The following SPOCK1 variants were observed in gnomAD, a reference collection of about 807,000 sequenced individuals.
SPOCK1 encodes testican-1.
A neutral mutation model predicts 55.3 loss-of-function variants in SPOCK1; 23 were observed. That is an observed-to-expected ratio of 0.42 (90% CI 0.30 to 0.59). SPOCK1 has a LOEUF of 0.59. SPOCK1 is among the 20% of genes least tolerant of loss of function. The pLI is 0.22. For missense variants in SPOCK1, 499 were observed against 552.5 expected (o/e 0.90, Z 0.97); for synonymous variants, 226 against 221.0 (o/e 1.02, Z -0.20).
intron 2 of SPOCK1, among the ~76,000 whole-genome samples, chr5:137,355,750 A>G (rs1750777807): frequency 6.6e-6 from 1 of 151,954 alleles, no homozygotes; most frequent in Non-Finnish European, 1.5e-5. Context: ...CTTCTCTGAT[A>G]GCTTTTCTTG....
rs377446213 is a variant in SPOCK1 at position 137,140,624 on chromosome 5, G to T, written c.303C>A (p.Asp101Glu). ...CSPHKVCVTQ[D>E]YQTALCVSRK... Reference sequence around the variant, plus strand: ...GGCTGACACACAGGGCGGTCTGGTAGTCCTGGGTCACACACACTTTGTGAG... The same window carrying T: ...GGCTGACACACAGGGCGGTCTGGTATTCCTGGGTCACACACACTTTGTGAG... Residue 101 changes from aspartate (D) to glutamate (E), a missense_variant, in exon 4 of 11, where the codon GAC becomes GAA. Asp to Glu is a conservative substitution (Grantham distance 45). Coordinates refer to ENST00000394945, the MANE Select transcript of SPOCK1 (RefSeq NM_004598.4). 8.7e-6 allele frequency: 14 copies of T among 1,613,884 alleles called. No homozygotes were observed. The highest frequency in any genetic ancestry group is 1.2e-5 in the Non-Finnish European group (14 of 1,179,974).
intron 3 of SPOCK1, among the ~76,000 whole-genome samples, chr5:137,238,442 T>A (rs927393782): frequency 2.6e-5 from 4 of 152,180 alleles, no homozygotes; most frequent in African/African-American, 9.7e-5. Flanking sequence ...AAATGTAAGT[T>A]CTTTAAAATA....
At chr5:137,325,170 A>C (rs1474588245) in intron 2 of SPOCK1, among the ~76,000 whole-genome samples, 1 of 152,152 alleles carries the variant, frequency 6.6e-6, no homozygotes, top group East Asian at 1.9e-4. Flanking sequence ...TAATGGCTTA[A>C]TTATGTAATT....
intron 3 of SPOCK1, among the ~76,000 whole-genome samples, chr5:137,212,884 G>A (rs1189004750): frequency 6.6e-6 from 1 of 152,188 alleles, no homozygotes; most frequent in African/African-American, 2.4e-5. Flanking sequence ...ATAGAAAACT[G>A]GGGAGAGTAG....
intron 2 of SPOCK1, among the ~76,000 whole-genome samples, chr5:137,451,737 T>C (rs776295759): frequency 7.9e-5 from 12 of 152,226 alleles, no homozygotes; most frequent in Non-Finnish European, 1.6e-4. Context: ...CTTAATCCTA[T>C]TGCAGCACAC....
intron 2 of SPOCK1, among the ~76,000 whole-genome samples, chr5:137,494,648 T>C (rs372296697): frequency 6.6e-5 from 10 of 152,242 alleles, no homozygotes; most frequent in African/African-American, 2.4e-4. Context: ...AAAAAATATT[T>C]TTTAAAAGAA....
At chr5:137,396,779 AAGT>A (rs1176401152) in intron 2 of SPOCK1, among the ~76,000 whole-genome samples, 4 of 152,182 alleles carry the variant, frequency 2.6e-5, no homozygotes, top group African/African-American at 9.7e-5. Context: ...TAGTTGTCCA[AAGT>A]AGTATACTTA....
chr5:137,036,175 C>T (rs1332697777), intron 6 of SPOCK1, among the ~76,000 whole-genome samples: 1 of 152,158 alleles, frequency 6.6e-6, no homozygotes, highest in Admixed American at 6.5e-5. Context: ...AAGCTAATAC[C>T]TGCTGGGTAC....
intron 4 of SPOCK1, among the ~76,000 whole-genome samples, chr5:137,133,870 T>A (rs1280181589): frequency 3.3e-5 from 5 of 151,692 alleles, no homozygotes; most frequent in Admixed American, 3.3e-4. Context: ...CATGGACTAG[T>A]TGCTTTGCGA....
At chr5:137,180,346 A>C (rs931812873) in intron 3 of SPOCK1, among the ~76,000 whole-genome samples, 2 of 144,250 alleles carry the variant, frequency 1.4e-5, no homozygotes, top group African/African-American at 5.0e-5. Flanking sequence ...GGGTTTAGAT[A>C]AGGGGGTCAT....
chr5:137,419,337 G>A (rs1181928102), intron 2 of SPOCK1, among the ~76,000 whole-genome samples: 4 of 152,152 alleles, frequency 2.6e-5, no homozygotes, highest in East Asian at 3.8e-4. Context: ...ATTCTGTGAA[G>A]AAAGTCATTG....
chr5:137,407,178 TAA>T (rs765507662), intron 2 of SPOCK1, among the ~76,000 whole-genome samples: 14 of 152,170 alleles, frequency 9.2e-5, no homozygotes, highest in Non-Finnish European at 2.1e-4. Flanking sequence ...AAAATAGATA[TAA>T]GATTTTTACT....
intron 3 of SPOCK1, among the ~76,000 whole-genome samples, chr5:137,249,558 G>T (rs574111667): frequency 2.0e-5 from 3 of 152,278 alleles, no homozygotes; most frequent in Admixed American, 6.5e-5. Context: ...ATGCAAAAAG[G>T]CTATTAAGAA....
chr5:137,340,141 G>A (rs1477327579), intron 2 of SPOCK1, among the ~76,000 whole-genome samples: 1 of 152,156 alleles, frequency 6.6e-6, no homozygotes, highest in East Asian at 1.9e-4. Flanking sequence ...AGACAGTTAG[G>A]GGCCTTTCAG....
At chr5:137,141,591 G>A (rs1754099855) in intron 3 of SPOCK1, among the ~76,000 whole-genome samples, 1 of 152,134 alleles carries the variant, frequency 6.6e-6, no homozygotes, top group South Asian at 2.1e-4. Flanking sequence ...GACCATGACG[G>A]GCATATAAAA....
chr5:137,359,856 A>G (rs1750902928), intron 2 of SPOCK1, among the ~76,000 whole-genome samples: 1 of 152,204 alleles, frequency 6.6e-6, no homozygotes, highest in African/African-American at 2.4e-5. Context: ...TTGCACATCT[A>G]TGTGGGTTAC....
intron 2 of SPOCK1, among the ~76,000 whole-genome samples, chr5:137,421,184 T>C (rs1355620101): frequency 1.3e-5 from 2 of 152,238 alleles, no homozygotes; most frequent in Non-Finnish European, 2.9e-5. Context: ...ATTTCTGTTC[T>C]TTTACATTTG....
chr5:137,476,320 A>T (rs770953924), intron 2 of SPOCK1, among the ~76,000 whole-genome samples: 1 of 152,248 alleles, frequency 6.6e-6, no homozygotes, highest in African/African-American at 2.4e-5. Flanking sequence ...GCAGAGAACA[A>T]AACAGAGCAG....
chr5:137,120,720 C>T (rs999145832), intron 4 of SPOCK1, among the ~76,000 whole-genome samples: 2 of 152,166 alleles, frequency 1.3e-5, no homozygotes, highest in African/African-American at 4.8e-5. Context: ...AATTCTCTTG[C>T]GACCATGTAT....
Sources: allele counts gnomAD v4.1 joint callset (sites outside exome capture counted in the v4.1 genomes callset), GRCh38; gene constraint gnomAD v4.1.1; transcripts MANE v1.5; gene names NCBI Gene and HGNC (gene_info 2026-07-23, HGNC 2026-07-21).